Variants in EYA4 observed in about 807,000 individuals in gnomAD.
EYA4 encodes the protein protein phosphatase EYA4.
In EYA4, 31 loss-of-function variants were observed where a neutral mutation model predicts 87.9. The ratio of observed to expected loss-of-function variants is 0.35; its 90% CI spans 0.27 to 0.48. The LOEUF is 0.48. Among genes scored for constraint, EYA4 ranks in the 20% least tolerant of loss-of-function variants. The pLI is 0.99. For synonymous variants in EYA4, 263 were observed against 270.6 expected, an observed-to-expected ratio of 0.97 and a Z score of 0.28; for missense variants, 678 against 761.4, an observed-to-expected ratio of 0.89 and a Z score of 1.29.
intron 1 of EYA4, among the ~76,000 whole-genome samples, chr6:133,268,923 G>A (rs1397296267): frequency 2.0e-5 from 3 of 152,026 alleles, no homozygotes; most frequent in Admixed American, 6.6e-5. Flanking sequence ...AAACACCACC[G>A]TAAATCTAGA....
chr6:133,310,184 T>C (rs928956306), intron 2 of EYA4, among the ~76,000 whole-genome samples: 6 of 152,164 alleles, frequency 3.9e-5, no homozygotes, highest in African/African-American at 1.4e-4. Flanking sequence ...GGTCAATAAT[T>C]TCTACTTGCA....
chr6:133,304,577 C>G (rs1397487723), intron 2 of EYA4, among the ~76,000 whole-genome samples: 2 of 152,094 alleles, frequency 1.3e-5, no homozygotes, highest in Non-Finnish European at 1.5e-5. Flanking sequence ...ACACTGGGGT[C>G]AGCTTCTGGA....
intron 3 of EYA4, among the ~76,000 whole-genome samples, chr6:133,420,039 A>G (rs1583228549): frequency 6.6e-6 from 1 of 152,298 alleles, no homozygotes; most frequent in African/African-American, 2.4e-5. Context: ...GTGATTAGCC[A>G]TAGAGGAAAA....
intron 14 of EYA4, among the ~76,000 whole-genome samples, chr6:133,509,833 T>C (rs1291568053): frequency 2.0e-5 from 3 of 151,790 alleles, no homozygotes; most frequent in Non-Finnish European, 4.4e-5. Flanking sequence ...AACATTACAG[T>C]GTTTTTAGTA....
At chr6:133,383,582 G>A (rs773398420) in intron 3 of EYA4, among the ~76,000 whole-genome samples, 3 of 141,746 alleles carry the variant, frequency 2.1e-5, no homozygotes, top group Non-Finnish European at 3.0e-5. Context: ...TGTAGAGTAA[G>A]TGTATCTTAT....
chr6:133,503,863 G>A (rs897381569), intron 13 of EYA4, among the ~76,000 whole-genome samples: 1 of 152,072 alleles, frequency 6.6e-6, no homozygotes, highest in Admixed American at 6.6e-5. Context: ...GAAGGAAACA[G>A]AGCAAGGGGC....
chr6:133,286,477 G>A (rs560925540), intron 2 of EYA4, among the ~76,000 whole-genome samples: 1 of 152,318 alleles, frequency 6.6e-6, no homozygotes, highest in South Asian at 2.1e-4. Flanking sequence ...CCAGGTTAGA[G>A]AGCAAGGAGA....
At chr6:133,429,594 G>A (rs958884677) in intron 3 of EYA4, among the ~76,000 whole-genome samples, 1 of 152,184 alleles carries the variant, frequency 6.6e-6, no homozygotes, top group Non-Finnish European at 1.5e-5. Flanking sequence ...TGAAAGAAAC[G>A]ATAAAGATAA....
intron 17 of EYA4, among the ~76,000 whole-genome samples, chr6:133,521,522 G>A (rs201021908): frequency 0.12 from 16,567 of 132,842 alleles, 614 homozygotes; most frequent in Middle Eastern, 0.16. Context: ...TAGTGGGACT[G>A]TAAACTAGTT....
intron 2 of EYA4, among the ~76,000 whole-genome samples, chr6:133,295,601 C>A (rs556862893): frequency 6.6e-6 from 1 of 151,898 alleles, no homozygotes; most frequent in South Asian, 2.1e-4. Flanking sequence ...CAATTTTTAT[C>A]CTTGCAAAAA....
intron 3 of EYA4, among the ~76,000 whole-genome samples, chr6:133,398,028 G>A (rs1299922618): frequency 1.3e-5 from 2 of 152,094 alleles, no homozygotes; most frequent in African/African-American, 2.4e-5. Context: ...TTCCCCTATG[G>A]CCATACATTG....
chr6:133,370,179 A>G (rs997340177), intron 2 of EYA4, among the ~76,000 whole-genome samples: 4 of 152,174 alleles, frequency 2.6e-5, no homozygotes, highest in African/African-American at 9.7e-5. Flanking sequence ...TCTACTGACA[A>G]TGGAGACTGG....
chr6:133,393,408 A>T, intron 3 of EYA4, among the ~76,000 whole-genome samples: 1 of 152,330 alleles, frequency 6.6e-6, no homozygotes, highest in East Asian at 1.9e-4. Context: ...GTAATACATA[A>T]CCACCAATTA....
At chr6:133,395,080 A>G (rs550770081) in intron 3 of EYA4, among the ~76,000 whole-genome samples, 2 of 152,336 alleles carry the variant, frequency 1.3e-5, no homozygotes, top group Non-Finnish European at 2.9e-5. Flanking sequence ...AAAATATGCT[A>G]TTGCTTAAAA....
At chr6:133,444,944 T>C (rs1792664220) in intron 3 of EYA4, among the ~76,000 whole-genome samples, 1 of 152,214 alleles carries the variant, frequency 6.6e-6, no homozygotes, top group Non-Finnish European at 1.5e-5. Context: ...ATATTTAGTG[T>C]AATCGTCAAT....
At chr6:133,273,334 C>T (rs1413536911) in intron 1 of EYA4, among the ~76,000 whole-genome samples, 2 of 151,980 alleles carry the variant, frequency 1.3e-5, no homozygotes, top group Non-Finnish European at 2.9e-5. Context: ...TTTATATTCG[C>T]TGGCAGCTGA....
At chr6:133,389,023 G>A (rs1054203044) in intron 3 of EYA4, among the ~76,000 whole-genome samples, 22 of 152,076 alleles carry the variant, frequency 1.4e-4, no homozygotes, top group African/African-American at 5.3e-4. Flanking sequence ...CACAGAGGCT[G>A]GGACTCTCCT....
rs376889137 is a variant in EYA4, at chr6:133,471,038, C to G, written c.970+2307C>G. Among the ~76,000 whole-genome samples, 49 of 65,384 alleles carry G rather than the reference C, an allele frequency of 7.5e-4. 3 individuals carry two copies. In the South Asian group the frequency reaches 9.2e-3, roughly 12 times the overall value. 42.9% of individuals were successfully genotyped at this position (65,384 alleles called of 152,430 possible). A position where few individuals can be genotyped will look rare whatever the true frequency, so the allele number is the denominator to read the frequency against. The stretch of plus-strand genomic sequence containing the variant: ...GATAAACAATCATGTCGTCTGCAAA[C>G]AGGGACAATTTGACTTCCTCTTTTC... On this transcript the variant is annotated intron_variant, in intron 11 of 19. Transcript: ENST00000355286.
intron 3 of EYA4, among the ~76,000 whole-genome samples, chr6:133,426,911 A>C (rs1790721932): frequency 6.6e-6 from 1 of 152,190 alleles, no homozygotes; most frequent in South Asian, 2.1e-4. Context: ...GAACTATAGC[A>C]ATTTGCTATT....
Sources: allele counts gnomAD v4.1 joint callset (sites outside exome capture counted in the v4.1 genomes callset), GRCh38; gene constraint gnomAD v4.1.1; transcripts MANE v1.5; gene names NCBI Gene and HGNC (gene_info 2026-07-23, HGNC 2026-07-21).